Variants in FRMD4B observed in about 807,000 individuals in gnomAD.
The protein encoded by FRMD4B is FERM domain-containing protein 4B.
A neutral mutation model predicts 141.5 loss-of-function variants in FRMD4B; 74 were observed. The observed-to-expected ratio is 0.52, with a 90% confidence interval of 0.43 to 0.63. The LOEUF (loss-of-function observed/expected upper bound fraction) is 0.63, where lower values mean the gene tolerates loss of function less well. Among genes scored for constraint, FRMD4B ranks in the 30% least tolerant of loss-of-function variants. The pLI, the probability that FRMD4B is intolerant of heterozygous loss-of-function variation, is 0.00. For missense variants in FRMD4B, 1,366 were observed against 1,253.4 expected (o/e 1.09, Z -1.36); for synonymous variants, 506 against 467.9 (o/e 1.08, Z -1.05).
intron 5 of FRMD4B, among the ~76,000 whole-genome samples, chr3:69,276,486 C>G (rs1004139596): frequency 7.9e-5 from 12 of 152,070 alleles, no homozygotes; most frequent in African/African-American, 2.9e-4. Context: ...GTTGCCCAGG[C>G]TGGTCTCAAT....
intron 1 of FRMD4B, among the ~76,000 whole-genome samples, chr3:69,516,589 C>G (rs1700760954): frequency 6.6e-6 from 1 of 152,188 alleles, no homozygotes; most frequent in Admixed American, 6.5e-5. Context: ...CCGGTGAAAC[C>G]TGGCAAGGAC....
At chr3:69,353,658 T>C (rs1575759251) in intron 1 of FRMD4B, 27 of 982,762 alleles carry the variant, frequency 2.7e-5, no homozygotes, top group South Asian at 1.9e-4. Flanking sequence ...CGCGTGTGTG[T>C]GCGCGCATGT....
chr3:69,326,690 AG>A (rs1424137899), intron 1 of FRMD4B, among the ~76,000 whole-genome samples: 4 of 152,236 alleles, frequency 2.6e-5, no homozygotes, highest in Admixed American at 6.5e-5. Flanking sequence ...AAGCTCAAAA[AG>A]GTGCTCAACA....
chr3:69,285,551 C>T (rs559390603), intron 5 of FRMD4B, among the ~76,000 whole-genome samples: 3 of 152,044 alleles, frequency 2.0e-5, no homozygotes, highest in Middle Eastern at 6.8e-3. Context: ...TAATAAAAAT[C>T]CTCAAAGCAG....
intron 22 of FRMD4B, among the ~76,000 whole-genome samples, chr3:69,175,079 A>AT (rs2092628682): frequency 6.6e-6 from 1 of 152,206 alleles, no homozygotes; most frequent in African/African-American, 2.4e-5. Flanking sequence ...AGGAAAAAAA[A>AT]AGGCATTTGG....
At chr3:69,479,117 G>C (rs1706065741) in intron 1 of FRMD4B, among the ~76,000 whole-genome samples, 1 of 146,762 alleles carries the variant, frequency 6.8e-6, no homozygotes, top group African/African-American at 2.6e-5. Flanking sequence ...CATGAGATGG[G>C]TTTCCTGAAT....
intron 1 of FRMD4B, among the ~76,000 whole-genome samples, chr3:69,510,810 T>C (rs1706674908): frequency 6.6e-6 from 1 of 152,230 alleles, no homozygotes; most frequent in African/African-American, 2.4e-5. Flanking sequence ...CATGCAGTTC[T>C]GTCATCATGC....
chr3:69,221,117 C>G (rs1011577509), intron 9 of FRMD4B, among the ~76,000 whole-genome samples: 1 of 152,048 alleles, frequency 6.6e-6, no homozygotes, highest in African/African-American at 2.4e-5. Context: ...TGGTTGCCAA[C>G]ATGCCTGGCT....
intron 2 of FRMD4B, among the ~76,000 whole-genome samples, chr3:69,397,052 T>G (rs559289874): frequency 3.3e-5 from 5 of 152,260 alleles, no homozygotes; most frequent in Admixed American, 2.0e-4. Context: ...ACACACAAAT[T>G]TGGACATGAA....
intron 1 of FRMD4B, among the ~76,000 whole-genome samples, chr3:69,449,953 C>T (rs1282672593): frequency 6.6e-6 from 1 of 152,138 alleles, no homozygotes; most frequent in Non-Finnish European, 1.5e-5. Context: ...ATCCTGACTC[C>T]TATGCTTGAC....
intron 1 of FRMD4B, among the ~76,000 whole-genome samples, chr3:69,452,177 G>A (rs538390399): frequency 6.6e-6 from 1 of 152,316 alleles, no homozygotes; most frequent in South Asian, 2.1e-4. Flanking sequence ...AAAGCACTAG[G>A]GATGCAACAG....
At chr3:69,217,971 T>C (rs921974172) in intron 10 of FRMD4B, among the ~76,000 whole-genome samples, 4 of 152,212 alleles carry the variant, frequency 2.6e-5, no homozygotes, top group Admixed American at 1.3e-4. Flanking sequence ...TTGCAAATCC[T>C]GTAAAAATTT....
intron 18 of FRMD4B, among the ~76,000 whole-genome samples, chr3:69,188,674 G>A (rs914446332): frequency 2.0e-4 from 30 of 149,718 alleles, no homozygotes; most frequent in South Asian, 1.5e-3. Flanking sequence ...GGAGAATGGC[G>A]TGAACCCGGG....
intron 1 of FRMD4B, among the ~76,000 whole-genome samples, chr3:69,453,369 G>A (rs1355046245): frequency 1.3e-5 from 2 of 152,206 alleles, no homozygotes; most frequent in East Asian, 3.8e-4. Flanking sequence ...GGCACCTTCA[G>A]ACTCTCAGAC....
chr3:69,480,174 A>G (rs1283086997), intron 1 of FRMD4B, among the ~76,000 whole-genome samples: 8 of 150,834 alleles, frequency 5.3e-5, no homozygotes, highest in South Asian at 2.1e-4. Context: ...AGCTCGGAGT[A>G]GTTTGATCGT....
At chr3:69,450,239 C>T (rs912995692) in intron 1 of FRMD4B, among the ~76,000 whole-genome samples, 2 of 152,224 alleles carry the variant, frequency 1.3e-5, no homozygotes, top group African/African-American at 2.4e-5. Flanking sequence ...TAAACCACTT[C>T]AGGCCAAATG....
chr3:69,502,790 C>A lies in FRMD4B; in HGVS notation c.-129+39416G>T, dbSNP rs534341564. The stretch of plus-strand genomic sequence containing the variant: ...AAATTTTCACAACCTACTCATCTGA[C>A]AAAGGGCTAATATCCAGAATCTACA... On this transcript the variant is annotated intron_variant, in intron 1 of 5. Coordinates refer to the FRMD4B transcript ENST00000459638. Among the ~76,000 whole-genome samples the A allele has an allele frequency of 1.7e-3, 251 of 151,630 alleles. 1 individual carries two copies. Among genetic ancestry groups the A allele is most frequent in the African/African-American group, 5.8e-3 (240 of 41,352 alleles).
chr3:69,403,633 A>G (rs1280672952), intron 2 of FRMD4B, among the ~76,000 whole-genome samples: 1 of 152,216 alleles, frequency 6.6e-6, no homozygotes, highest in Non-Finnish European at 1.5e-5. Context: ...AGAAACAGGC[A>G]AGACAGGTTT....
At chr3:69,274,958 A>G (rs1235280374) in intron 5 of FRMD4B, among the ~76,000 whole-genome samples, 1 of 152,206 alleles carries the variant, frequency 6.6e-6, no homozygotes, top group Non-Finnish European at 1.5e-5. Flanking sequence ...AATGAAATTA[A>G]AATGTGAATT....
Sources: gnomAD v4.1 joint callset for allele counts (sites outside exome capture counted in the v4.1 genomes callset) on GRCh38, gnomAD v4.1.1 for gene constraint, MANE v1.5 for transcripts, NCBI Gene and HGNC (gene_info 2026-07-23, HGNC 2026-07-21) for gene names.